The following ADGRL2 variants were observed in gnomAD, a reference collection of about 807,000 sequenced individuals.
ADGRL2 encodes adhesion G protein-coupled receptor L2.
Under a neutral mutation model 157.4 loss-of-function variants are expected in ADGRL2, and 44 were observed. The ratio of observed to expected loss-of-function variants is 0.28; its 90% CI spans 0.22 to 0.36. ADGRL2 has a LOEUF of 0.36. Ranked by LOEUF, ADGRL2 falls within the 10% of genes least tolerant of loss-of-function variation. ADGRL2 has a pLI of 1.00. For synonymous variants in ADGRL2, 585 were observed against 624.7 expected, an observed-to-expected ratio of 0.94 and a Z score of 0.95; for missense variants, 1,510 against 1,768.9, an observed-to-expected ratio of 0.85 and a Z score of 2.63.
chr1:81,322,186 A>G (rs1660571563), intron 1 of ADGRL2, among the ~76,000 whole-genome samples: 1 of 150,036 alleles, frequency 6.7e-6, no homozygotes, highest in African/African-American at 2.4e-5. Context: ...ATATACATAT[A>G]CATATACATA....
rs191196775 is a variant in ADGRL2, at chr1:81,651,599, T to C, written c.-143+70619T>C. Among the ~76,000 whole-genome samples the C allele has an allele frequency of 2.0e-3, 299 of 152,272 alleles. 2 individuals carry two copies. The highest frequency in any genetic ancestry group is 3.2e-3 in the Non-Finnish European group (221 of 68,016). Reference sequence around the variant, plus strand: ...GCTATTTTTCTCAGTAATTGTAGGGTTTCACCACTCTTAAACTCAATCATC... The same window carrying C: ...GCTATTTTTCTCAGTAATTGTAGGGCTTCACCACTCTTAAACTCAATCATC... On this transcript the variant is annotated intron_variant, in intron 3 of 24. Coordinates refer to the ADGRL2 transcript ENST00000370721.
Position 81,910,139 on chromosome 1 carries a change from C to T in ADGRL2, c.287+2909C>T, listed in dbSNP as rs60455075. Among the ~76,000 whole-genome samples, 5 of 151,762 alleles carry T rather than the reference C, an allele frequency of 3.3e-5. No individual in the cohort carries two copies. In the East Asian group the frequency reaches 9.7e-4, roughly 29 times the overall value. Reference sequence around the variant, plus strand: ...CCTGTAATCCCAGCTACTTGGGAGGCTGAGGCAGAAGAATCTGTTGAACCC... The same window carrying T: ...CCTGTAATCCCAGCTACTTGGGAGGTTGAGGCAGAAGAATCTGTTGAACCC... On this transcript the variant is annotated intron_variant, in intron 3 of 23. Transcript: ENST00000686636.
At chr1:81,312,942 A>C (rs1196718544) in intron 1 of ADGRL2, among the ~76,000 whole-genome samples, 1 of 152,216 alleles carries the variant, frequency 6.6e-6, no homozygotes, top group Admixed American at 6.5e-5. Flanking sequence ...GTTGGAATAC[A>C]ATATACGGAG....
intron 1 of ADGRL2, among the ~76,000 whole-genome samples, chr1:81,725,198 C>T (rs2084478061): frequency 1.6e-5 from 2 of 121,818 alleles, no homozygotes; most frequent in Admixed American, 1.8e-4. Flanking sequence ...GGTGAGACCC[C>T]GTCTCAAAAA....
At chr1:81,858,248 G>T (rs544595010) in intron 2 of ADGRL2, among the ~76,000 whole-genome samples, 1 of 152,040 alleles carries the variant, frequency 6.6e-6, no homozygotes, top group South Asian at 2.1e-4. Context: ...TTCTGTAAAA[G>T]GTACATCAAA....
chr1:81,528,416 G>A (rs1347254696), intron 2 of ADGRL2, among the ~76,000 whole-genome samples: 1 of 152,032 alleles, frequency 6.6e-6, no homozygotes, highest in Non-Finnish European at 1.5e-5. Flanking sequence ...GGAGGCCGAG[G>A]CGAGTGGATT....
intron 3 of ADGRL2, among the ~76,000 whole-genome samples, chr1:81,914,362 A>T (rs1183717839): frequency 2.6e-5 from 4 of 152,132 alleles, no homozygotes; most frequent in Admixed American, 1.3e-4. Context: ...AAAGGGAAAA[A>T]TTAGTGCAGT....
At chr1:81,880,439 C>A (rs183420485) in intron 2 of ADGRL2, among the ~76,000 whole-genome samples, 81 of 152,262 alleles carry the variant, frequency 5.3e-4, no homozygotes, top group African/African-American at 1.9e-3. Context: ...CTTAGCTTAA[C>A]AAGGTTCAGG....
At chr1:81,322,197 T>C (rs1660573284) in intron 1 of ADGRL2, among the ~76,000 whole-genome samples, 1 of 150,226 alleles carries the variant, frequency 6.7e-6, no homozygotes, top group Non-Finnish European at 1.5e-5. Context: ...CATATACATA[T>C]ATATATACGC....
chr1:81,306,507 A>C (rs1205422891), exon 1 of ADGRL2: 3 of 151,866 alleles, frequency 2.0e-5, no homozygotes, highest in African/African-American at 7.3e-5. Flanking sequence ...CTGTCTTTTC[A>C]AGGTAGGAAG....
intron 1 of ADGRL2, among the ~76,000 whole-genome samples, chr1:81,431,093 T>G (rs79724986): frequency 0.027 from 4,136 of 152,262 alleles, 178 homozygotes; most frequent in African/African-American, 0.094. Context: ...TCTTTTATAG[T>G]CTGACATCAG....
chr1:81,383,740 A>ATG, intron 1 of ADGRL2, among the ~76,000 whole-genome samples: 1 of 149,286 alleles, frequency 6.7e-6, no homozygotes, highest in Admixed American at 6.7e-5. Context: ...CAAGGTGGGC[A>ATG]GATCACAAGG....
chr1:81,554,482 T>G (rs940920154), intron 2 of ADGRL2, among the ~76,000 whole-genome samples: 2 of 142,040 alleles, frequency 1.4e-5, no homozygotes, highest in African/African-American at 5.9e-5. Flanking sequence ...TACTTTCTCT[T>G]TTTTTTTTTG....
At chr1:81,310,964 C>T (rs1001674375) in intron 1 of ADGRL2, among the ~76,000 whole-genome samples, 2 of 151,860 alleles carry the variant, frequency 1.3e-5, no homozygotes, top group East Asian at 1.9e-4. Flanking sequence ...ATTTGAAGAA[C>T]GTGTCCCTCA....
chr1:81,522,091 G>C (rs1198017948), intron 2 of ADGRL2, among the ~76,000 whole-genome samples: 1 of 151,448 alleles, frequency 6.6e-6, no homozygotes, highest in Non-Finnish European at 1.5e-5. Context: ...CAGCCTCTTG[G>C]GTAGCTGGGA....
At chr1:81,386,544 T>C in intron 1 of ADGRL2, among the ~76,000 whole-genome samples, 1 of 152,152 alleles carries the variant, frequency 6.6e-6, no homozygotes, top group East Asian at 1.9e-4. Flanking sequence ...ATTGCCTTTG[T>C]CCTGGGACCT....
At chr1:81,961,172 C>T (rs1464210322) in intron 11 of ADGRL2, among the ~76,000 whole-genome samples, 1 of 152,128 alleles carries the variant, frequency 6.6e-6, no homozygotes, top group East Asian at 1.9e-4. Flanking sequence ...CAAGTGTATT[C>T]ATGTTCAGAA....
At chr1:81,347,808 T>C (rs1441045267) in intron 1 of ADGRL2, among the ~76,000 whole-genome samples, 1 of 152,060 alleles carries the variant, frequency 6.6e-6, no homozygotes, top group Admixed American at 6.5e-5. Flanking sequence ...AAGCCAGGAA[T>C]ACAGATGGGA....
At chr1:81,775,289 T>A (rs2086534101) in intron 2 of ADGRL2, among the ~76,000 whole-genome samples, 1 of 152,194 alleles carries the variant, frequency 6.6e-6, no homozygotes, top group African/African-American at 2.4e-5. Context: ...CGGGTCTTTG[T>A]GTCTACTCAT....
Sources: allele counts gnomAD v4.1 joint callset (sites outside exome capture counted in the v4.1 genomes callset), GRCh38; gene constraint gnomAD v4.1.1; transcripts MANE v1.5; gene names NCBI Gene and HGNC (gene_info 2026-07-23, HGNC 2026-07-21).